TBCA: variants seen among roughly 807,000 people sequenced by gnomAD.
TBCA encodes tubulin-specific chaperone A.
In TBCA, 6 loss-of-function variants were observed where a neutral mutation model predicts 15.8. The ratio of observed to expected loss-of-function variants is 0.38; its 90% confidence interval spans 0.21 to 0.75. TBCA has a LOEUF of 0.75. Ranked by LOEUF, TBCA falls within the 30% of genes least tolerant of loss-of-function variation. TBCA has a pLI of 0.46. For synonymous variants in TBCA, 32 were observed against 42.3 expected (o/e 0.76, Z 0.94); for missense variants, 90 against 131.2 (o/e 0.69, Z 1.53).
At chr5:77,718,559 A>G (rs1167363870) in intron 1 of TBCA, among the ~76,000 whole-genome samples, 1 of 152,212 alleles carries the variant, frequency 6.6e-6, no homozygotes, top group Non-Finnish European at 1.5e-5. Context: ...CTAATGGTCT[A>G]TACAGTACAA....
At chr5:77,757,811 C>T (rs1326017811) in intron 1 of TBCA, among the ~76,000 whole-genome samples, 3 of 152,200 alleles carry the variant, frequency 2.0e-5, no homozygotes, top group Admixed American at 6.5e-5. Context: ...GTCCTGATGA[C>T]ATGTGCCCAA....
In TBCA at chr5:77,696,553, C is replaced by T. The variant is rs139459734; in HGVS notation, c.160-3201G>A. Among the ~76,000 whole-genome samples the T allele has an allele frequency of 1.0e-3, 156 of 152,010 alleles. 1 individual carries two copies. Among genetic ancestry groups the T allele is most frequent in the East Asian group, 7.9e-3 (41 of 5,170 alleles). ...ATTGGACCCAATAACATGCTGTCTA[C>T]AAGAAACTCATTTCAAACATAATGA... On this transcript the variant is annotated intron_variant, in intron 2 of 3. Transcript: ENST00000380377.
chr5:77,691,721 T>C (rs1293272433), intron 3 of TBCA: 8 of 1,217,202 alleles, frequency 6.6e-6, no homozygotes, highest in Non-Finnish European at 6.1e-6. Context: ...ACTGTATATA[T>C]TCTCATAAAA....
intron 1 of TBCA, among the ~76,000 whole-genome samples, chr5:77,773,705 C>T (rs1477921827): frequency 1.3e-5 from 2 of 152,200 alleles, no homozygotes; most frequent in African/African-American, 4.8e-5. Context: ...AACTCAGAAG[C>T]ATTATCTTAA....
intron 2 of TBCA, among the ~76,000 whole-genome samples, chr5:77,704,678 T>TA (rs11407528): frequency 0.15 from 22,735 of 150,808 alleles, 2,203 homozygotes; most frequent in East Asian, 0.35. Context: ...TTGTATATGA[T>TA]AAAAAAAAAG....
At chr5:77,701,177 A>C (rs1746003677) in intron 2 of TBCA, among the ~76,000 whole-genome samples, 1 of 152,232 alleles carries the variant, frequency 6.6e-6, no homozygotes, top group East Asian at 1.9e-4. Context: ...CAAAGGACAA[A>C]TATCCAAAAT....
chr5:77,693,900 T>C (rs1367604364), intron 2 of TBCA, among the ~76,000 whole-genome samples: 1 of 151,608 alleles, frequency 6.6e-6, no homozygotes, highest in East Asian at 1.9e-4. Context: ...GGTAATCACC[T>C]TCTCATGCTA....
At chr5:77,716,970 G>C (rs1222648509) in intron 1 of TBCA, among the ~76,000 whole-genome samples, 1 of 152,154 alleles carries the variant, frequency 6.6e-6, no homozygotes, top group Non-Finnish European at 1.5e-5. Context: ...ATCTGCTGGG[G>C]GTTCTGAGAA....
chr5:77,755,882 T>C (rs1378481905), intron 1 of TBCA, among the ~76,000 whole-genome samples: 1 of 152,048 alleles, frequency 6.6e-6, no homozygotes, highest in East Asian at 1.9e-4. Context: ...CGCATGCCTG[T>C]AATCCCAGCT....
intron 1 of TBCA, among the ~76,000 whole-genome samples, chr5:77,722,993 A>T (rs1447801374): frequency 6.6e-6 from 1 of 151,812 alleles, no homozygotes; most frequent in African/African-American, 2.4e-5. Context: ...TCTACTTTAA[A>T]TTTTTTTAAA....
intron 1 of TBCA, among the ~76,000 whole-genome samples, chr5:77,723,898 G>T (rs1431077492): frequency 6.6e-6 from 1 of 151,978 alleles, no homozygotes; most frequent in East Asian, 1.9e-4. Flanking sequence ...GTTATTCCAA[G>T]AGTTCATAAA....
chr5:77,762,143 T>C (rs1374591809), intron 1 of TBCA, among the ~76,000 whole-genome samples: 1 of 152,206 alleles, frequency 6.6e-6, no homozygotes, highest in Non-Finnish European at 1.5e-5. Flanking sequence ...GTAGTTATCA[T>C]GAAAAGCAAA....
At chr5:77,702,045 T>C (rs1382848235) in intron 2 of TBCA, among the ~76,000 whole-genome samples, 1 of 151,432 alleles carries the variant, frequency 6.6e-6, no homozygotes, top group Non-Finnish European at 1.5e-5. Flanking sequence ...AGGGAAAGGG[T>C]GGGAATGGGG....
intron 2 of TBCA, among the ~76,000 whole-genome samples, chr5:77,702,502 A>G (rs1746040792): frequency 1.3e-5 from 2 of 152,194 alleles, no homozygotes; most frequent in African/African-American, 4.8e-5. Context: ...TTTTGGGAGC[A>G]GAGAGGATTG....
In TBCA at chr5:77,700,426, T is replaced by C. The variant is rs138029609; in HGVS notation, c.160-7074A>G. Among the ~76,000 whole-genome samples, 613 of 152,020 alleles carry C rather than the reference T, an allele frequency of 4.0e-3. 7 individuals carry two copies. The highest frequency in any genetic ancestry group is 0.014 in the African/African-American group (573 of 41,478). On this transcript the variant is annotated intron_variant, in intron 2 of 3. Coordinates refer to ENST00000380377, the MANE Select transcript of TBCA (RefSeq NM_004607.3). The stretch of plus-strand genomic sequence containing the variant: ...TCACTCATTTTCACTGAAGAGGATA[T>C]ACAGACAGCAAATAAGCACATGAAA...
intron 1 of TBCA, among the ~76,000 whole-genome samples, chr5:77,758,808 C>T (rs959122909): frequency 6.6e-6 from 1 of 152,222 alleles, no homozygotes; most frequent in Admixed American, 6.5e-5. Flanking sequence ...CTGCCATTTT[C>T]TCTTAATGCA....
intron 1 of TBCA, among the ~76,000 whole-genome samples, chr5:77,715,735 T>TA (rs1420291784): frequency 6.6e-6 from 1 of 152,180 alleles, no homozygotes; most frequent in Non-Finnish European, 1.5e-5. Context: ...ACATTTAGTT[T>TA]AAGAAAAAAC....
At chr5:77,716,736 TA>T (rs143542359) in intron 1 of TBCA, among the ~76,000 whole-genome samples, 1 of 152,168 alleles carries the variant, frequency 6.6e-6, no homozygotes, top group Admixed American at 6.5e-5. Flanking sequence ...CATTTGAACA[TA>T]AAAGTCTAAA....
chr5:77,746,778 C>A (rs968590218), intron 1 of TBCA, among the ~76,000 whole-genome samples: 1 of 152,224 alleles, frequency 6.6e-6, no homozygotes, highest in East Asian at 1.9e-4. Context: ...AATACCAAAG[C>A]CCCAAATTTC....
Sources: gnomAD v4.1 joint callset for allele counts (sites outside exome capture counted in the v4.1 genomes callset) on GRCh38, gnomAD v4.1.1 for gene constraint, MANE v1.5 for transcripts, NCBI Gene and HGNC (gene_info 2026-07-23, HGNC 2026-07-21) for gene names.